Variants in CADPS2 observed in about 807,000 individuals in gnomAD.
CADPS2 encodes calcium dependent secretion activator 2.
Under a neutral mutation model 172.5 loss-of-function variants are expected in CADPS2, and 93 were observed. That is an observed-to-expected ratio of 0.54 (90% confidence interval 0.46 to 0.64). The LOEUF is 0.64. Among genes scored for constraint, CADPS2 ranks in the 30% least tolerant of loss-of-function variants. The pLI is 0.00. For synonymous variants in CADPS2, 546 were observed against 555.2 expected (o/e 0.98, Z 0.23); for missense variants, 1,420 against 1,565.9 (o/e 0.91, Z 1.57).
chr7:122,617,167 C>T (rs2075016829), intron 5 of CADPS2, among the ~76,000 whole-genome samples: 1 of 152,158 alleles, frequency 6.6e-6, no homozygotes, highest in South Asian at 2.1e-4. Context: ...CCTCCTAAAA[C>T]ATACAACTTG....
intron 8 of CADPS2, among the ~76,000 whole-genome samples, chr7:122,533,639 CAT>C (rs1176404722): frequency 1.3e-5 from 2 of 152,116 alleles, no homozygotes; most frequent in Non-Finnish European, 2.9e-5. Context: ...CCAGAAGTCT[CAT>C]GTTATTTTAT....
chr7:122,575,054 T>G (rs1051248165), intron 7 of CADPS2, among the ~76,000 whole-genome samples: 16 of 152,100 alleles, frequency 1.1e-4, no homozygotes, highest in African/African-American at 3.6e-4. Context: ...GCAAAGATGT[T>G]TACCTAAAAC....
intron 2 of CADPS2, among the ~76,000 whole-genome samples, chr7:122,697,470 A>C (rs1446897905): frequency 6.6e-6 from 1 of 152,158 alleles, no homozygotes; most frequent in African/African-American, 2.4e-5. Flanking sequence ...ATAGAACCCA[A>C]TATATGTACA....
At chr7:122,497,234 C>A (rs994984403) in intron 9 of CADPS2, among the ~76,000 whole-genome samples, 2 of 152,012 alleles carry the variant, frequency 1.3e-5, no homozygotes, top group Non-Finnish European at 2.9e-5. Context: ...TCTCTATGAA[C>A]AACAACTGGG....
At chr7:122,566,025 C>T (rs1292163942) in intron 7 of CADPS2, among the ~76,000 whole-genome samples, 2 of 152,128 alleles carry the variant, frequency 1.3e-5, no homozygotes, top group African/African-American at 4.8e-5. Flanking sequence ...ATGTAAGTGA[C>T]ATCATGTGGT....
chr7:122,637,766 T>C (rs1310115002), intron 3 of CADPS2, among the ~76,000 whole-genome samples: 1 of 152,204 alleles, frequency 6.6e-6, no homozygotes, highest in Non-Finnish European at 1.5e-5. Context: ...TTTCTTGCAC[T>C]GATTCTTTTT....
At chr7:122,601,292 G>A (rs1270130106) in intron 6 of CADPS2, among the ~76,000 whole-genome samples, 4 of 151,554 alleles carry the variant, frequency 2.6e-5, no homozygotes, top group East Asian at 3.9e-4. Flanking sequence ...GCTATATTAC[G>A]GCAAAAAAGG....
intron 7 of CADPS2, among the ~76,000 whole-genome samples, chr7:122,577,274 A>G (rs1415773089): frequency 6.6e-6 from 1 of 152,114 alleles, no homozygotes; most frequent in Non-Finnish European, 1.5e-5. Context: ...AATACTGCGT[A>G]TAACACACAG....
At chr7:122,693,594 G>C (rs2084678648) in intron 2 of CADPS2, among the ~76,000 whole-genome samples, 1 of 152,128 alleles carries the variant, frequency 6.6e-6, no homozygotes, top group African/African-American at 2.4e-5. Flanking sequence ...ACTGAGACTT[G>C]GAAAAGCTCT....
At chr7:122,643,198 T>A (rs1041175051) in intron 3 of CADPS2, among the ~76,000 whole-genome samples, 10 of 152,216 alleles carry the variant, frequency 6.6e-5, no homozygotes, top group African/African-American at 2.4e-4. Flanking sequence ...AAATGCCAAA[T>A]ATGCATAGAT....
intron 1 of CADPS2, among the ~76,000 whole-genome samples, chr7:122,818,473 A>G (rs2140308967): frequency 6.6e-6 from 1 of 151,936 alleles, no homozygotes; most frequent in East Asian, 1.9e-4. Context: ...GCCCAGTGCA[A>G]CTCGTCCCAA....
At chr7:122,361,943 CATATCTGTAATCTT>C (rs940528150) in intron 25 of CADPS2, among the ~76,000 whole-genome samples, 5 of 151,944 alleles carry the variant, frequency 3.3e-5, no homozygotes, top group African/African-American at 1.2e-4. Context: ...CATGGTGGCT[CATATCTGTAATCTT>C]AGCTACTCGG....
chr7:122,447,337 T>C lies in CADPS2; in HGVS notation c.2288+4037A>G, dbSNP rs1005731435. Among the ~76,000 whole-genome samples the C allele has an allele frequency of 5.9e-5, 9 of 151,742 alleles. No homozygotes were observed. The South Asian group carries it at 1.0e-3, about 17-fold the overall frequency. ...AGTAAAAGTAGTACAATCTAATTAA[T>C]ACAACTCCAAGCTCTATTCCAAGTG... On this transcript the variant is annotated intron_variant, in intron 15 of 29. Transcript: ENST00000449022.
At chr7:122,501,663 C>T (rs905510683) in intron 9 of CADPS2, among the ~76,000 whole-genome samples, 9 of 151,848 alleles carry the variant, frequency 5.9e-5, no homozygotes, top group South Asian at 2.1e-4. Flanking sequence ...TCCTGGCTAA[C>T]ACCGTAGAAA....
At chr7:122,435,666 T>C (rs2050541702) in intron 17 of CADPS2, among the ~76,000 whole-genome samples, 1 of 152,176 alleles carries the variant, frequency 6.6e-6, no homozygotes, top group Non-Finnish European at 1.5e-5. Flanking sequence ...ATCTCACTTC[T>C]GGGTATACAA....
At chr7:122,673,777 A>T (rs2082109190) in intron 2 of CADPS2, among the ~76,000 whole-genome samples, 1 of 152,236 alleles carries the variant, frequency 6.6e-6, no homozygotes, top group South Asian at 2.1e-4. Flanking sequence ...CCAGGGCTGC[A>T]GGCAGAGCTG....
chr7:122,450,069 G>T (rs531739154), intron 15 of CADPS2, among the ~76,000 whole-genome samples: 8 of 151,912 alleles, frequency 5.3e-5, no homozygotes, highest in Admixed American at 1.3e-4. Context: ...TAACAAAAAA[G>T]AATAATAATG....
intron 1 of CADPS2, among the ~76,000 whole-genome samples, chr7:122,814,972 T>C (rs923068469): frequency 6.6e-6 from 1 of 152,102 alleles, no homozygotes; most frequent in African/African-American, 2.4e-5. Context: ...GAATTATTCC[T>C]AGGTCGGCCC....
intron 1 of CADPS2, among the ~76,000 whole-genome samples, chr7:122,813,605 G>T (rs1344937601): frequency 6.6e-6 from 1 of 152,018 alleles, no homozygotes; most frequent in Non-Finnish European, 1.5e-5. Context: ...TTATTATCAA[G>T]TTGGACTTAA....
Sources: gnomAD v4.1 joint callset for allele counts (sites outside exome capture counted in the v4.1 genomes callset) on GRCh38, gnomAD v4.1.1 for gene constraint, MANE v1.5 for transcripts, NCBI Gene and HGNC (gene_info 2026-07-23, HGNC 2026-07-21) for gene names.